The following MRRF variants were observed in gnomAD, a reference collection of about 807,000 sequenced individuals.
MRRF encodes ribosome-recycling factor, mitochondrial.
A neutral mutation model predicts 25.1 loss-of-function variants in MRRF; 18 were observed. The ratio of observed to expected loss-of-function variants is 0.72; its 90% CI spans 0.50 to 1.06. The LOEUF (loss-of-function observed/expected upper bound fraction) is 1.06. Ranked by LOEUF, MRRF falls within the 50% of genes least tolerant of loss-of-function variation. The probability of loss-of-function intolerance (pLI) is 0.00; values close to 1 mark genes in which losing one functional copy is unlikely to be tolerated. For missense variants in MRRF, 323 were observed against 319.3 expected, an observed-to-expected ratio of 1.01 and a Z score of -0.09; for synonymous variants, 113 against 112.1, an observed-to-expected ratio of 1.01 and a Z score of -0.05.
intron 5 of MRRF, among the ~76,000 whole-genome samples, chr9:122,301,584 A>G (rs1357134232): frequency 1.3e-5 from 2 of 152,222 alleles, no homozygotes; most frequent in East Asian, 3.8e-4. Context: ...ACAGGAGTAG[A>G]CAGGGATAAC....
At chr9:122,307,905 G>T (rs1007959318) in intron 5 of MRRF, among the ~76,000 whole-genome samples, 2 of 152,176 alleles carry the variant, frequency 1.3e-5, no homozygotes, top group Non-Finnish European at 2.9e-5. Context: ...GGCTTCCTCT[G>T]ATATGCACCT....
At chr9:122,310,707 A>G (rs1260976406) in intron 5 of MRRF, among the ~76,000 whole-genome samples, 3 of 152,192 alleles carry the variant, frequency 2.0e-5, no homozygotes, top group Non-Finnish European at 4.4e-5. Flanking sequence ...AAGAACTGGC[A>G]CAGAGCGTAG....
chr9:122,287,720 G>T (rs1833499967), intron 4 of MRRF, among the ~76,000 whole-genome samples: 2 of 152,140 alleles, frequency 1.3e-5, no homozygotes, highest in African/African-American at 4.8e-5. Context: ...AGACATCTTT[G>T]CCATTTGTTC....
chr9:122,307,785 C>G (rs1319141599), intron 5 of MRRF, among the ~76,000 whole-genome samples: 2 of 152,154 alleles, frequency 1.3e-5, no homozygotes, highest in South Asian at 4.1e-4. Flanking sequence ...TGGCCCTAAA[C>G]CGTGTCCTTT....
chr9:122,269,593 G>A (rs1365861109), intron 1 of MRRF, among the ~76,000 whole-genome samples: 1 of 152,098 alleles, frequency 6.6e-6, no homozygotes, highest in African/African-American at 2.4e-5. Context: ...TGGGCATGGT[G>A]GCATGTGCCT....
chr9:122,278,563 T>C (rs1832912239), intron 2 of MRRF, among the ~76,000 whole-genome samples: 1 of 152,222 alleles, frequency 6.6e-6, no homozygotes, highest in South Asian at 2.1e-4. Flanking sequence ...TGTGTGTTCA[T>C]TCTTTCTCAT....
intron 4 of MRRF, among the ~76,000 whole-genome samples, chr9:122,289,191 A>T (rs996143812): frequency 6.6e-6 from 1 of 152,252 alleles, no homozygotes; most frequent in Non-Finnish European, 1.5e-5. Flanking sequence ...ATATGAAAAG[A>T]TACAGAAAAG....
At chr9:122,270,800 T>A in intron 1 of MRRF, 64 bp from the exon 2 acceptor site, 1 of 1,291,140 alleles carries the variant, frequency 7.7e-7, no homozygotes, top group Non-Finnish European at 1.1e-6. Flanking sequence ...ACGAATTACC[T>A]GAAGTTGCAA....
chr9:122,279,433 G>T (rs1832964348), intron 2 of MRRF, among the ~76,000 whole-genome samples: 1 of 152,110 alleles, frequency 6.6e-6, no homozygotes, highest in African/African-American at 2.4e-5. Context: ...GTTATAATAT[G>T]CCACCCAAAT....
At chr9:122,265,184 C>T (rs1587988436) in intron 1 of MRRF, among the ~76,000 whole-genome samples, 1 of 152,194 alleles carries the variant, frequency 6.6e-6, no homozygotes, top group Non-Finnish European at 1.5e-5. Context: ...AGAGTAGCCG[C>T]ACACTTGACG....
At chr9:122,310,813 T>C (rs1038849628) in intron 5 of MRRF, among the ~76,000 whole-genome samples, 2 of 152,200 alleles carry the variant, frequency 1.3e-5, no homozygotes, top group African/African-American at 2.4e-5. Flanking sequence ...ATACAAACTC[T>C]AGTGCATACT....
intron 5 of MRRF, among the ~76,000 whole-genome samples, chr9:122,295,061 T>A (rs904712949): frequency 6.6e-6 from 1 of 152,204 alleles, no homozygotes; most frequent in Non-Finnish European, 1.5e-5. Flanking sequence ...GTTCCAACAT[T>A]TCCTGCTTTT....
At chr9:122,278,334 A>T (rs755802208) in intron 2 of MRRF, among the ~76,000 whole-genome samples, 5 of 152,216 alleles carry the variant, frequency 3.3e-5, no homozygotes, top group Non-Finnish European at 4.4e-5. Context: ...CATTCTTAGC[A>T]TGTCAAAAGT....
At chr9:122,286,622 A>G (rs1298552255) in intron 4 of MRRF, among the ~76,000 whole-genome samples, 1 of 152,226 alleles carries the variant, frequency 6.6e-6, no homozygotes, top group Non-Finnish European at 1.5e-5. Flanking sequence ...CTGCAGTGGA[A>G]GGACCGCTTG....
At chr9:122,319,384 T>C (rs1376143399) in intron 6 of MRRF, among the ~76,000 whole-genome samples, 3 of 152,114 alleles carry the variant, frequency 2.0e-5, no homozygotes, top group Non-Finnish European at 4.4e-5. Context: ...TCTCCTGACC[T>C]TGTGATCCGC....
intron 1 of MRRF, among the ~76,000 whole-genome samples, chr9:122,266,209 T>C (rs1832074681): frequency 6.6e-6 from 1 of 152,184 alleles, no homozygotes; most frequent in South Asian, 2.1e-4. Flanking sequence ...CTTAGAGTCA[T>C]ATGGAGGGAA....
Position 122,329,766 on chromosome 9 carries a change from C to T in MRRF, c.*7149C>T, listed in dbSNP as rs1836235316. On this transcript the variant is annotated 3_prime_UTR_variant, in exon 7 of 7. Transcript: ENST00000344641. ...TTCCAGGCTGGCCTCACCCGGGTCT[C>T]TAGACACTTGGCTCAGAGGCAGAAC... is the stretch of plus-strand genomic sequence containing the variant. The T allele has an allele frequency of 6.6e-6, 1 of 152,326 alleles. No homozygotes were observed. Among genetic ancestry groups the T allele is most frequent in the Non-Finnish European group, 1.5e-5 (1 of 68,144 alleles). 9.4% of individuals were successfully genotyped at this position (152,326 alleles called of 1,614,324 possible).
At chr9:122,286,344 C>T (rs1290047047) in intron 4 of MRRF, among the ~76,000 whole-genome samples, 1 of 152,170 alleles carries the variant, frequency 6.6e-6, no homozygotes, top group Non-Finnish European at 1.5e-5. Context: ...GCCAGGCACA[C>T]CTGTGGGTGT....
At position 122,311,812 on chromosome 9, in the gene MRRF, G is replaced by A. The variant is rs548482746; in HGVS notation, c.552-1415G>A. Among the ~76,000 whole-genome samples, 6 of 152,216 alleles carry A rather than the reference G, an allele frequency of 3.9e-5. No homozygotes were observed. In the South Asian group the frequency reaches 1.2e-3, roughly 32 times the overall value. On this transcript the variant is annotated intron_variant, in intron 5 of 6. Transcript: ENST00000344641. ...GTTTATGAGGTTTCTTAAAGACTTA[G>A]ATTCATTTATTTTCTGCCCCTCTTA...
Sources: gnomAD v4.1 joint callset for allele counts (sites outside exome capture counted in the v4.1 genomes callset) on GRCh38, gnomAD v4.1.1 for gene constraint, MANE v1.5 for transcripts, NCBI Gene and HGNC (gene_info 2026-07-23, HGNC 2026-07-21) for gene names.